ZFHX3: variants seen among roughly 807,000 people sequenced by gnomAD.
ZFHX3 encodes zinc finger homeobox protein 3.
ZFHX3 carries 42 observed loss-of-function variants against 279.1 expected under a neutral mutation model. The observed-to-expected ratio is 0.15, with a 90% CI of 0.12 to 0.19. The LOEUF (loss-of-function observed/expected upper bound fraction) is 0.19, where lower values mean the gene tolerates loss of function less well. ZFHX3 is among the 10% of genes least tolerant of loss of function. ZFHX3 has a pLI of 1.00. For synonymous variants in ZFHX3, 2,293 were observed against 1,957.8 expected, an observed-to-expected ratio of 1.17 and a Z score of -4.52; for missense variants, 4,981 against 4,754.0, an observed-to-expected ratio of 1.05 and a Z score of -1.40.
In ZFHX3 at chr16:73,653,316, C is replaced by T. The variant is rs187958284; in HGVS notation, c.-1547+26864G>A. On this transcript the variant is annotated intron_variant, in intron 2 of 17. Coordinates refer to the ZFHX3 transcript ENST00000641206. The stretch of plus-strand genomic sequence containing the variant: ...TCCCCAAGTACACACAGAACACTTA[C>T]AAAAATTCACCATATGATGATCCAT... Among the ~76,000 whole-genome samples, 777 of 152,230 alleles carry T rather than the reference C, an allele frequency of 5.1e-3. 10 individuals are homozygous for T. The highest frequency in any genetic ancestry group is 0.018 in the African/African-American group (748 of 41,546).
At chr16:73,487,374 G>C (rs1404036034) in intron 2 of ZFHX3, 12 of 399,878 alleles carry the variant, frequency 3.0e-5, no homozygotes, top group East Asian at 1.4e-4. Flanking sequence ...TTATAGCAAG[G>C]GTCCAATAAA....
At chr16:73,780,250 T>C (rs1337783326) in intron 1 of ZFHX3, among the ~76,000 whole-genome samples, 1 of 147,286 alleles carries the variant, frequency 6.8e-6, no homozygotes, top group East Asian at 2.1e-4. Context: ...TGGGTTCAAG[T>C]GATTCTTGTG....
Position 72,785,105 on chromosome 16 carries a change from G to C in ZFHX3, c.*2059C>G, listed in dbSNP as rs1038985201. The C allele has an allele frequency of 6.6e-6, 1 of 152,574 alleles. No homozygotes were observed. The highest frequency in any genetic ancestry group is 2.4e-5 in the African/African-American group (1 of 41,398). 9.5% of individuals were successfully genotyped at this position (152,574 alleles called of 1,614,324 possible). The stretch of plus-strand genomic sequence containing the variant: ...AAGGGAAGAAGGATTTCACACTTTG[G>C]GGGCAAGGGGAGATGGTTTCTGTTG... On this transcript the variant is annotated 3_prime_UTR_variant, in exon 10 of 10. Transcript: ENST00000268489.
At chr16:73,170,194 T>C (rs1281598348) in intron 5 of ZFHX3, among the ~76,000 whole-genome samples, 1 of 148,028 alleles carries the variant, frequency 6.8e-6, no homozygotes, top group Non-Finnish European at 1.5e-5. Flanking sequence ...ATCAGCTGTG[T>C]AACTTTTTGA....
intron 3 of ZFHX3, among the ~76,000 whole-genome samples, chr16:73,427,260 C>G (rs2017825915): frequency 6.6e-6 from 1 of 152,100 alleles, no homozygotes; most frequent in Non-Finnish European, 1.5e-5. Flanking sequence ...GTCTACCTAT[C>G]ATTTGTGAGT....
rs746659616 is a variant in ZFHX3 at position 72,957,812 on chromosome 16, AGCCACCGCCGCCGCC to A, written c.2319_2333del (p.Val777_Ala781del). On this transcript the variant is annotated inframe_deletion, in exon 2 of 10. Coordinates refer to ENST00000268489, the MANE Select transcript of ZFHX3 (RefSeq NM_006885.4). ...TGATATTGGCTGCCGCCGCCGCCGCAGCCACCGCCGCCGCCGCCGCCCCGGCAGTGTGGCTGAAGA... is the reference window on the plus strand; with the variant it reads ...TGATATTGGCTGCCGCCGCCGCCGCAGCCGCCCCGGCAGTGTGGCTGAAGA... The A allele has an allele frequency of 4.0e-5, 64 of 1,582,122 alleles. 2 individuals carry two copies. The highest frequency in any genetic ancestry group is 3.5e-4 in the Admixed American group (21 of 59,268).
chr16:73,438,527 G>A (rs559577244), intron 3 of ZFHX3, among the ~76,000 whole-genome samples: 69 of 152,232 alleles, frequency 4.5e-4, no homozygotes, highest in Non-Finnish European at 6.8e-4. Flanking sequence ...GAACTGTAAC[G>A]CATTAATACT....
intron 3 of ZFHX3, among the ~76,000 whole-genome samples, chr16:73,323,284 GT>G (rs963675468): frequency 2.6e-5 from 4 of 152,164 alleles, no homozygotes; most frequent in Non-Finnish European, 5.9e-5. Context: ...CAGCATGACT[GT>G]TTGAGGGATG....
chr16:73,524,923 C>G (rs1597369388), intron 2 of ZFHX3, among the ~76,000 whole-genome samples: 1 of 152,172 alleles, frequency 6.6e-6, no homozygotes, highest in South Asian at 2.1e-4. Context: ...TAAACAGAAG[C>G]TCTTCTCATT....
intron 3 of ZFHX3, among the ~76,000 whole-genome samples, chr16:73,327,425 C>T (rs2015712718): frequency 6.6e-6 from 1 of 152,172 alleles, no homozygotes; most frequent in Non-Finnish European, 1.5e-5. Flanking sequence ...TCTATTCCCT[C>T]CCCAACTTCC....
intron 3 of ZFHX3, chr16:73,420,129 A>G (rs1389155433): frequency 6.6e-6 from 1 of 152,114 alleles, no homozygotes; most frequent in Admixed American, 6.6e-5. Flanking sequence ...GCTTGTTTCA[A>G]ACTCCTGGGC....
At chr16:73,298,210 A>C (rs2014965796) in intron 4 of ZFHX3, among the ~76,000 whole-genome samples, 2 of 150,284 alleles carry the variant, frequency 1.3e-5, no homozygotes, top group South Asian at 2.1e-4. Context: ...CAACAACAAA[A>C]ATCAGAATTT....
At chr16:72,968,521 C>T (rs942173860) in intron 1 of ZFHX3, among the ~76,000 whole-genome samples, 2 of 146,694 alleles carry the variant, frequency 1.4e-5, no homozygotes, top group Non-Finnish European at 3.0e-5. Flanking sequence ...AGTGCAGTGG[C>T]GCAGTCTCAG....
intron 5 of ZFHX3, among the ~76,000 whole-genome samples, chr16:73,159,093 C>A (rs896836535): frequency 6.6e-6 from 1 of 152,182 alleles, no homozygotes; most frequent in African/African-American, 2.4e-5. Flanking sequence ...TCTAATTGAA[C>A]TAAAGAGCAT....
At chr16:72,825,896 G>A (rs1452173464) in intron 5 of ZFHX3, among the ~76,000 whole-genome samples, 1 of 152,240 alleles carries the variant, frequency 6.6e-6, no homozygotes, top group Non-Finnish European at 1.5e-5. Context: ...GTATTGTTCA[G>A]TTCAGATGCA....
At chr16:73,351,467 C>T (rs1328887032) in intron 3 of ZFHX3, among the ~76,000 whole-genome samples, 1 of 152,180 alleles carries the variant, frequency 6.6e-6, no homozygotes, top group Non-Finnish European at 1.5e-5. Flanking sequence ...GGAGAGGGGA[C>T]AGCTGTGCAG....
At chr16:73,009,795 C>A (rs9940119) in intron 1 of ZFHX3, among the ~76,000 whole-genome samples, 3 of 151,938 alleles carry the variant, frequency 2.0e-5, no homozygotes, top group South Asian at 2.1e-4. Flanking sequence ...CCGACGCAGG[C>A]GAATCACTTG....
At chr16:73,737,520 G>A (rs1261542389) in intron 1 of ZFHX3, among the ~76,000 whole-genome samples, 2 of 152,160 alleles carry the variant, frequency 1.3e-5, no homozygotes, top group African/African-American at 4.8e-5. Flanking sequence ...CCATCATGAA[G>A]AGTAATATCA....
intron 3 of ZFHX3, among the ~76,000 whole-genome samples, chr16:73,358,107 T>C (rs1440502247): frequency 4.6e-5 from 7 of 152,200 alleles, no homozygotes; most frequent in African/African-American, 1.7e-4. Flanking sequence ...TCTGTATCTG[T>C]CAAGTGTCAG....
Sources: gnomAD v4.1 joint callset for allele counts (sites outside exome capture counted in the v4.1 genomes callset) on GRCh38, gnomAD v4.1.1 for gene constraint, MANE v1.5 for transcripts, NCBI Gene and HGNC (gene_info 2026-07-23, HGNC 2026-07-21) for gene names.